Variants in POC1B observed in about 807,000 individuals in gnomAD.
POC1B encodes POC1 centriolar protein B.
In POC1B, 44 loss-of-function variants were observed where a neutral mutation model predicts 60.6. The observed-to-expected ratio is 0.73, with a 90% CI of 0.57 to 0.93. POC1B has a LOEUF of 0.93. POC1B is among the 40% of genes least tolerant of loss of function. The probability of loss-of-function intolerance (pLI) is 0.00; values close to 1 mark genes in which losing one functional copy is unlikely to be tolerated. For synonymous variants in POC1B, 180 were observed against 198.9 expected (o/e 0.90, Z 0.80); for missense variants, 555 against 572.3 (o/e 0.97, Z 0.31).
intron 2 of POC1B, chr12:89,501,576 T>C: frequency 7.3e-7 from 1 of 1,362,374 alleles, no homozygotes; most frequent in Non-Finnish European, 1.0e-6. Flanking sequence ...CTAGAAAAGA[T>C]AAGGAAGAAT....
At chr12:89,502,528 A>G in intron 2 of POC1B, 1 of 1,105,488 alleles carries the variant, frequency 9.0e-7, no homozygotes, top group Non-Finnish European at 1.4e-6. Flanking sequence ...ACGATGAAAG[A>G]AAGACTAGCT....
At chr12:89,486,397 G>C (rs551861101) in intron 4 of POC1B, among the ~76,000 whole-genome samples, 10 of 152,212 alleles carry the variant, frequency 6.6e-5, no homozygotes, top group Non-Finnish European at 1.2e-4. Flanking sequence ...GTGGAAGCAG[G>C]GGGCGTCCCA....
At chr12:89,509,865 C>T (rs1036244586) in intron 2 of POC1B, among the ~76,000 whole-genome samples, 3 of 151,998 alleles carry the variant, frequency 2.0e-5, no homozygotes, top group African/African-American at 7.3e-5. Flanking sequence ...GGTTTTTTTG[C>T]GACAGAGTCT....
chr12:89,517,299 C>CATAAAT (rs1311268465), intron 2 of POC1B, among the ~76,000 whole-genome samples: 2 of 152,098 alleles, frequency 1.3e-5, no homozygotes, highest in Admixed American at 6.5e-5. Flanking sequence ...TCCTTGACCC[C>CATAAAT]ATAAATATAA....
chr12:89,413,758 G>T, the POC1B span, among the ~76,000 whole-genome samples: 341 of 152,132 alleles, frequency 2.2e-3, 1 homozygote, highest in Non-Finnish European at 4.3e-3. Context: ...CTTCCATGCA[G>T]TTTTTTACAT....
At chr12:89,402,032 G>A in the POC1B span, among the ~76,000 whole-genome samples, 2 of 152,210 alleles carry the variant, frequency 1.3e-5, no homozygotes, top group Non-Finnish European at 2.9e-5. Context: ...CCAAGGAGAT[G>A]AGAGATTCTA....
At chr12:89,488,444 CT>C (rs1286215500) in intron 4 of POC1B, among the ~76,000 whole-genome samples, 1 of 152,114 alleles carries the variant, frequency 6.6e-6, no homozygotes, top group Non-Finnish European at 1.5e-5. Context: ...GCACATAGCA[CT>C]GGACAAAAAC....
chr12:89,525,288 A>C (rs1473288598), intron 1 of POC1B, 84 bp from the exon 2 acceptor site: 2 of 1,510,792 alleles, frequency 1.3e-6, no homozygotes, highest in South Asian at 1.3e-5. Context: ...ACTTCCCCGG[A>C]GTCCGGCTTG....
chr12:89,434,596 A>G (rs1881172767), intron 10 of POC1B, among the ~76,000 whole-genome samples: 1 of 152,224 alleles, frequency 6.6e-6, no homozygotes, highest in Non-Finnish European at 1.5e-5. Context: ...AGTGCACTGC[A>G]CCAGATGGAT....
chr12:89,434,634 T>C (rs1318788834), intron 10 of POC1B, among the ~76,000 whole-genome samples: 2 of 152,158 alleles, frequency 1.3e-5, no homozygotes, highest in Non-Finnish European at 2.9e-5. Flanking sequence ...CAAATGAACA[T>C]AACACCAACT....
At chr12:89,525,840 G>A in intron 1 of POC1B, 41 bp downstream of exon 1, 1 of 1,407,212 alleles carries the variant, frequency 7.1e-7, no homozygotes, top group African/African-American at 1.5e-5. Flanking sequence ...CGCGGGACAG[G>A]CTCCAGGGAG....
chr12:89,479,528 A>G (rs982343988), intron 4 of POC1B, among the ~76,000 whole-genome samples: 1 of 152,304 alleles, frequency 6.6e-6, no homozygotes, highest in Middle Eastern at 3.4e-3. Flanking sequence ...GCATGAATGT[A>G]TTTCCAAATA....
chr12:89,508,876 A>G (rs1400028784), intron 2 of POC1B, among the ~76,000 whole-genome samples: 1 of 152,198 alleles, frequency 6.6e-6, no homozygotes, highest in African/African-American at 2.4e-5. Flanking sequence ...CTATGATCCT[A>G]AATTTCCTGA....
At chr12:89,482,590 T>C (rs1477740394) in intron 4 of POC1B, among the ~76,000 whole-genome samples, 2 of 152,066 alleles carry the variant, frequency 1.3e-5, no homozygotes, top group Non-Finnish European at 1.5e-5. Flanking sequence ...ACATTATATA[T>C]AGGGGAATTA....
chr12:89,459,756 T>C (rs1268134940), intron 9 of POC1B, 38 bp from the exon 10 acceptor site: 1 of 1,220,340 alleles, frequency 8.2e-7, no homozygotes, highest in South Asian at 1.8e-5. Context: ...GAGATTTTCA[T>C]ACCATAAGAA....
At chr12:89,514,136 T>C (rs948204674) in intron 2 of POC1B, among the ~76,000 whole-genome samples, 7 of 152,128 alleles carry the variant, frequency 4.6e-5, no homozygotes, top group East Asian at 3.9e-4. Context: ...TGGAGGGACA[T>C]GATTGGATCA....
chr12:89,452,697 AGGG>A (rs1014356311), intron 10 of POC1B, among the ~76,000 whole-genome samples: 2 of 151,998 alleles, frequency 1.3e-5, no homozygotes, highest in Non-Finnish European at 2.9e-5. Context: ...TTTTATTTGA[AGGG>A]GGGGAAAAGA....
rs111916525 is a variant in POC1B, at chr12:89,431,457, G to A, written c.1114-6078C>T. 8.9e-5 allele frequency among the ~76,000 whole-genome samples: 13 copies of A among 146,222 alleles called. No individual in the cohort carries two copies. The South Asian group carries it at 1.6e-3, about 18-fold the overall frequency. ...ACTACACACACACACACACACACAC[G>A]CACATGCACACACACACGTATGTAT... On this transcript the variant is annotated intron_variant, in intron 10 of 11. Coordinates refer to ENST00000313546, the MANE Select transcript of POC1B (RefSeq NM_172240.3).
intron 10 of POC1B, among the ~76,000 whole-genome samples, chr12:89,457,323 T>A (rs1277115572): frequency 2.0e-5 from 3 of 152,212 alleles, no homozygotes; most frequent in African/African-American, 7.2e-5. Flanking sequence ...AGGTAAATAG[T>A]TGAAAAAGTA....
Sources: allele counts gnomAD v4.1 joint callset (sites outside exome capture counted in the v4.1 genomes callset), GRCh38; gene constraint gnomAD v4.1.1; transcripts MANE v1.5; gene names NCBI Gene and HGNC (gene_info 2026-07-23, HGNC 2026-07-21).